Variants in PLD2 observed in about 807,000 individuals in gnomAD.
PLD2 encodes the protein phospholipase D2.
In PLD2, 101 loss-of-function variants were observed where a neutral mutation model predicts 119.8. The ratio of observed to expected loss-of-function variants is 0.84; its 90% CI spans 0.72 to 0.99. The LOEUF is 0.99. Among genes scored for constraint, PLD2 ranks in the 50% least tolerant of loss-of-function variants. PLD2 has a pLI of 0.00. For missense variants in PLD2, 1,164 were observed against 1,226.8 expected (o/e 0.95, Z 0.76); for synonymous variants, 494 against 482.8 (o/e 1.02, Z -0.30).
chr17:4,815,883 GCACTAC>G lies in PLD2; in HGVS notation c.1406_1411del (p.His469_Tyr470del). On this transcript the variant is annotated inframe_deletion, in exon 14 of 25. Coordinates refer to ENST00000263088, the MANE Select transcript of PLD2 (RefSeq NM_002663.5). The stretch of plus-strand genomic sequence containing the variant: ...TTGCCTATGGCCGCTGGGATGACCT[GCACTAC>G]CGACTGACTGACCTTGGAGACTCCT... The G allele has an allele frequency of 6.2e-7, 1 of 1,614,044 alleles. No individual in the cohort carries two copies. The highest frequency in any genetic ancestry group is 8.5e-7 in the Non-Finnish European group (1 of 1,179,988).
chr17:4,812,599 T>G (rs1906592273), intron 10 of PLD2, among the ~76,000 whole-genome samples: 1 of 152,078 alleles, frequency 6.6e-6, no homozygotes, highest in Non-Finnish European at 1.5e-5. Context: ...GGCTATAAAC[T>G]TCTAAAACAG....
rs1305813158 is a variant in PLD2 at position 4,817,020 on chromosome 17, G to A, written c.1666G>A (p.Ala556Thr). The A allele has an allele frequency of 2.5e-6, 4 of 1,613,904 alleles. No homozygotes were observed. Among genetic ancestry groups the A allele is most frequent in the Admixed American group, 1.7e-5 (1 of 60,006 alleles). The change falls in exon 16 of 25, where the codon GCC becomes ACC. Residue 556 changes from alanine (A) to threonine (T), a missense_variant. By Grantham distance (58) the Ala-to-Thr change is moderately conservative (BLOSUM62 0). Transcript: ENST00000263088. ...VVHGLPARDL[A>T]RHFIQRWNFT... ...CCATGGCCTACCGGCCCGGGACCTT[G>A]CCCGGCACTTCATCCAGCGCTGGAA...
rs575625093 is a variant in PLD2, at chr17:4,822,911, C to T, written c.*47C>T. 2.1e-5 allele frequency: 22 copies of T among 1,070,408 alleles called. 1 individual carries two copies. In the South Asian group the frequency reaches 2.7e-4, roughly 13 times the overall value. The allele number at this position is 1,070,408 out of a possible 1,614,324, so 66.3% of individuals were successfully genotyped here. Reference sequence around the variant, plus strand: ...GGTCACCAGCTGCTGTGCCCCACCACGTCTGGCTCCCTGCCCCTTAACCCC... The same window carrying T: ...GGTCACCAGCTGCTGTGCCCCACCATGTCTGGCTCCCTGCCCCTTAACCCC... On this transcript the variant is annotated 3_prime_UTR_variant, in exon 25 of 25. Coordinates refer to ENST00000263088, the MANE Select transcript of PLD2 (RefSeq NM_002663.5).
Position 4,816,676 on chromosome 17 carries a change from C to A in PLD2, c.1512C>A (p.Phe504Leu), listed in dbSNP as rs370414862. The A allele has an allele frequency of 7.4e-6, 12 of 1,614,028 alleles. No individual in the cohort carries two copies. The highest frequency in any genetic ancestry group is 1.3e-5 in the African/African-American group (1 of 74,916). Residue 504 changes from phenylalanine to leucine, a missense_variant, in exon 15 of 25, where the codon TTC (phenylalanine) becomes TTA (leucine). Phe to Leu is a conservative substitution (Grantham distance 22). Coordinates refer to ENST00000263088, the MANE Select transcript of PLD2 (RefSeq NM_002663.5). ...CCCCAGACCTCTCTCACAACCAATT[C>A]TTCTGGCTGGGCAAGGACTACAGCA... ...PATPDLSHNQ[F>L]FWLGKDYSNL...
Position 4,807,500 on chromosome 17 carries a change from G to T in PLD2, c.-1-272G>T. 1 of 326,188 alleles carries T rather than the reference G, an allele frequency of 3.1e-6. No individual in the cohort carries two copies. Among genetic ancestry groups the T allele is most frequent in the Non-Finnish European group, 5.8e-6 (1 of 172,642 alleles). The allele number at this position is 326,188 out of a possible 1,614,324, so 20.2% of individuals were successfully genotyped here. On this transcript the variant is annotated intron_variant, in intron 1 of 24. Transcript: ENST00000263088. This position sits in a 1 kb window ranked among gnomAD's most constrained non-coding sequence, Gnocchi z 5.4. ...GCGCCGCCCCAGGTCGGAGCCTTCC[G>T]GGCCTGGCTGGGTGTTCCCCGGGGC... is the stretch of plus-strand genomic sequence containing the variant.
Position 4,808,046 on chromosome 17 carries a change from G to C in PLD2, c.172G>C (p.Val58Leu), listed in dbSNP as rs187259198. 9.9e-6 allele frequency: 16 copies of C among 1,612,792 alleles called. No individual in the cohort carries two copies. The Admixed American group carries it at 1.7e-4, about 17-fold the overall frequency. Reference sequence around the variant, plus strand: ...TCAGTCTCTGAAAGTGCACCCCTTGGTGTTCGCACCTGGGGTCCCTGTCAC... The same window carrying C: ...TCAGTCTCTGAAAGTGCACCCCTTGCTGTTCGCACCTGGGGTCCCTGTCAC... ...ELQSLKVHPL[V>L]FAPGVPVTAQ... The change falls in exon 3 of 25, where the codon GTG (valine) becomes CTG (leucine). Residue 58 changes from valine to leucine, a missense_variant. Val to Leu is a conservative substitution (Grantham distance 32). Coordinates refer to ENST00000263088, the MANE Select transcript of PLD2 (RefSeq NM_002663.5). This position sits in a 1 kb window ranked among gnomAD's most constrained non-coding sequence, Gnocchi z 4.1.
chr17:4,818,138 G>T (rs1907226642), intron 18 of PLD2, 32 bp downstream of exon 18: 1 of 1,530,742 alleles, frequency 6.5e-7, no homozygotes, highest in Non-Finnish European at 9.1e-7. Flanking sequence ...GGAGAGCATG[G>T]AAGGGGTGTC....
chr17:4,817,105 G>A, intron 16 of PLD2, 41 bp from the exon 17 acceptor site: 1 of 1,603,130 alleles, frequency 6.2e-7, no homozygotes, highest in South Asian at 1.1e-5. Context: ...AGCCAGGGCA[G>A]ATTGGCACCT....
intron 12 of PLD2, 91 bp from the exon 13 acceptor site, chr17:4,815,385 C>A: frequency 1.3e-6 from 1 of 794,380 alleles, no homozygotes. Context: ...TCCAGACAAG[C>A]TGGAGGGACA....
At position 4,817,233 on chromosome 17, in the gene PLD2, C is replaced by T. The variant is rs777092300; in HGVS notation, c.1789C>T (p.Pro597Ser). The change falls in exon 17 of 25, where the codon CCA (proline) becomes TCA (serine). Residue 597 changes from proline to serine, a missense_variant. Coordinates refer to ENST00000263088, the MANE Select transcript of PLD2 (RefSeq NM_002663.5). ...GGCCAATCAGCTCCCCTTCACACTT[C>T]CAGGAGGGCAGTGCACCACCGTACA... ...STANQLPFTLPGGQCTTVQVL... is the reference protein window; with the variant it reads ...STANQLPFTLSGGQCTTVQVL... The T allele has an allele frequency of 9.3e-6, 15 of 1,613,074 alleles. No individual in the cohort carries two copies. Among genetic ancestry groups the T allele is most frequent in the Middle Eastern group, 1.7e-4 (1 of 6,060 alleles).
Position 4,810,904 on chromosome 17 carries a change from C to G in PLD2, c.963C>G (p.His321Gln), listed in dbSNP as rs371796657. The G allele has an allele frequency of 3.1e-6, 5 of 1,613,580 alleles. No individual in the cohort carries two copies. The highest frequency in any genetic ancestry group is 4.2e-6 in the Non-Finnish European group (5 of 1,179,952). ...QGPGRDFLQL[H>Q]RHDSYAPPRP... Reference sequence around the variant, plus strand: ...CAGGCAGAGACTTCCTACAGCTGCACCGGCATGACAGCTACGCCCCACCCC... The same window carrying G: ...CAGGCAGAGACTTCCTACAGCTGCAGCGGCATGACAGCTACGCCCCACCCC... The change falls in exon 10 of 25, where the codon CAC becomes CAG. Residue 321 changes from histidine to glutamine, a missense_variant. Physicochemically the swap from His to Gln is conservative, Grantham distance 24. Coordinates refer to ENST00000263088, the MANE Select transcript of PLD2 (RefSeq NM_002663.5).
At chr17:4,810,155 G>A in intron 9 of PLD2, 126 bp downstream of exon 9, 1 of 974,018 alleles carries the variant, frequency 1.0e-6, no homozygotes, top group South Asian at 1.6e-5. Context: ...TCGGGACATA[G>A]TTTTGAACCA....
rs747369203 is a variant in PLD2, at chr17:4,816,734, C to T, written c.1570C>T (p.Arg524Trp). Reference protein sequence around the residue: ...LITKDWVQLDRPFEDFIDRET... With the variant: ...LITKDWVQLDWPFEDFIDRET... ...CACCAAGGACTGGGTGCAGCTGGAC[C>T]GGCCTTTCGAAGGTGAAGCCTCCCA... The change falls in exon 15 of 25, where the codon CGG (arginine) becomes TGG (tryptophan). Residue 524 changes from arginine to tryptophan, a missense_variant. Coordinates refer to ENST00000263088, the MANE Select transcript of PLD2 (RefSeq NM_002663.5). 1.5e-5 allele frequency: 25 copies of T among 1,614,056 alleles called. No homozygotes were observed. The highest frequency in any genetic ancestry group is 1.2e-4 in the South Asian group (11 of 91,088).
Position 4,819,275 on chromosome 17 carries a change from T to C in PLD2, c.2308+57T>C. On this transcript the variant is annotated intron_variant, in intron 22 of 24. Coordinates refer to ENST00000263088, the MANE Select transcript of PLD2 (RefSeq NM_002663.5). The surrounding 1 kb of genome is among the most constrained non-coding windows in gnomAD (Gnocchi z 4.2). ...GAGGGTGTGGGGACAGGCGAAGAGA[T>C]GAGAGGCAGGATGACAGAGACTGCA... 1 of 1,607,090 alleles carries C rather than the reference T, an allele frequency of 6.2e-7. No homozygotes were observed. Among genetic ancestry groups the C allele is most frequent in the Non-Finnish European group, 8.5e-7 (1 of 1,176,174 alleles).
At chr17:4,817,305 C>A in intron 17 of PLD2, 46 bp downstream of exon 17, 1 of 1,201,782 alleles carries the variant, frequency 8.3e-7, no homozygotes, top group Non-Finnish European at 1.2e-6. Context: ...TCTCCTTCAG[C>A]CTAACACCCC....
chr17:4,810,019 A>G lies in PLD2; in HGVS notation c.850A>G (p.Thr284Ala). 1 of 1,612,774 alleles carries G rather than the reference A, an allele frequency of 6.2e-7. No individual in the cohort carries two copies. Among genetic ancestry groups the G allele is most frequent in the Non-Finnish European group, 8.5e-7 (1 of 1,179,996 alleles). Residue 284 changes from threonine to alanine, a missense_variant, in exon 9 of 25, where the codon ACC becomes GCC. Transcript: ENST00000263088. ...TEARHGVRID[T>A]SHRSLILKCS... ...GGCACGGCACGGCGTGCGGATCGAT[A>G]CCTCCCACAGGTGAGGCCTCCCTGG...
chr17:4,814,582 G>A, intron 11 of PLD2, 51 bp from the exon 12 acceptor site: 1 of 1,613,162 alleles, frequency 6.2e-7, no homozygotes, highest in Non-Finnish European at 8.5e-7. Context: ...GGGGGGTGCA[G>A]CTGGTGGTCT....
rs3764899 is a variant in PLD2, at chr17:4,819,311, G to C, written c.2308+93G>C. ...ATGACAGAGACTGCAGCTGAGGCTC[G>C]TGTAGGGGTGGAGGGTCCAAGAAGG... On this transcript the variant is annotated intron_variant, in intron 22 of 24. Coordinates refer to ENST00000263088, the MANE Select transcript of PLD2 (RefSeq NM_002663.5). This position sits in a 1 kb window ranked among gnomAD's most constrained non-coding sequence, Gnocchi z 4.2. 3 of 1,594,476 alleles carry C rather than the reference G, an allele frequency of 1.9e-6. No homozygotes were observed. Among genetic ancestry groups the C allele is most frequent in the East Asian group, 2.2e-5 (1 of 44,666 alleles).
In PLD2 at chr17:4,809,134, G is replaced by T. The variant is rs751900808; in HGVS notation, c.418G>T (p.Gly140Cys). 11 of 1,614,044 alleles carry T rather than the reference G, an allele frequency of 6.8e-6. No homozygotes were observed. Among genetic ancestry groups the T allele is most frequent in the Non-Finnish European group, 9.3e-6 (11 of 1,180,040 alleles). Residue 140 changes from glycine (G) to cysteine (C), a missense_variant, in exon 5 of 25, where the codon GGC becomes TGC. Physicochemically the swap from Gly to Cys is radical, Grantham distance 159. Transcript: ENST00000263088. The stretch of plus-strand genomic sequence containing the variant: ...TGCCTATTCTCCAGCCCGAGATGCA[G>T]GCAACAGAGAGATGCCCTCTCTACC... ...AVAYSPARDA[G>C]NREMPSLPRA... is the part of the protein sequence containing the mutation.
Sources: allele counts gnomAD v4.1 joint callset (sites outside exome capture counted in the v4.1 genomes callset), GRCh38; gene constraint gnomAD v4.1.1; non-coding constraint Gnocchi (gnomAD v3.1); transcripts MANE v1.5; gene names NCBI Gene and HGNC (gene_info 2026-07-23, HGNC 2026-07-21).